Variants in ADAMTSL1 observed in about 807,000 individuals in gnomAD.
ADAMTSL1 encodes ADAMTS like 1, also known as ADAMTS-like protein 1.
In ADAMTSL1, 126 loss-of-function variants were observed where a neutral mutation model predicts 201.8. That is an observed-to-expected ratio of 0.62 (90% confidence interval 0.54 to 0.72). The LOEUF (loss-of-function observed/expected upper bound fraction) is 0.72. Ranked by LOEUF, ADAMTSL1 falls within the 30% of genes least tolerant of loss-of-function variation. The probability of loss-of-function intolerance (pLI) is 0.00; values close to 1 mark genes in which losing one functional copy is unlikely to be tolerated. For synonymous variants in ADAMTSL1, 1,121 were observed against 903.4 expected, an observed-to-expected ratio of 1.24 and a Z score of -4.32; for missense variants, 2,679 against 2,277.8, an observed-to-expected ratio of 1.18 and a Z score of -3.59.
chr9:18,359,427 C>T (rs1449697121), intron 2 of ADAMTSL1, among the ~76,000 whole-genome samples: 1 of 152,166 alleles, frequency 6.6e-6, no homozygotes, highest in Non-Finnish European at 1.5e-5. Context: ...CAATGTGATT[C>T]TTTTCCCAGA....
chr9:18,581,566 A>C (rs1344691484), intron 4 of ADAMTSL1, among the ~76,000 whole-genome samples: 1 of 152,190 alleles, frequency 6.6e-6, no homozygotes, highest in East Asian at 1.9e-4. Flanking sequence ...AAATTCTATC[A>C]GCTGAATCAG....
intron 2 of ADAMTSL1, among the ~76,000 whole-genome samples, chr9:18,413,704 A>G (rs1022740741): frequency 1.3e-5 from 2 of 152,078 alleles, no homozygotes; most frequent in African/African-American, 4.8e-5. Flanking sequence ...CCAGAGCCCA[A>G]CTCTTCATTC....
At chr9:18,376,370 G>A (rs1186880607) in intron 2 of ADAMTSL1, among the ~76,000 whole-genome samples, 1 of 152,174 alleles carries the variant, frequency 6.6e-6, no homozygotes, top group East Asian at 1.9e-4. Flanking sequence ...GAGGGTGAGA[G>A]GTGAGAGGGT....
intron 1 of ADAMTSL1, among the ~76,000 whole-genome samples, chr9:17,929,557 C>T (rs1020746685): frequency 5.9e-5 from 9 of 152,168 alleles, no homozygotes; most frequent in African/African-American, 2.2e-4. Context: ...TCCTCTTCCC[C>T]TCACTCAGCT....
chr9:18,196,957 T>G (rs927971486), intron 2 of ADAMTSL1, among the ~76,000 whole-genome samples: 5 of 152,106 alleles, frequency 3.3e-5, no homozygotes, highest in Admixed American at 6.6e-5. Context: ...ATAGCTTCAC[T>G]CCCTCACACA....
chr9:17,984,621 T>C (rs1818849200), intron 1 of ADAMTSL1, among the ~76,000 whole-genome samples: 1 of 152,160 alleles, frequency 6.6e-6, no homozygotes, highest in South Asian at 2.1e-4. Flanking sequence ...TCCAGATACC[T>C]TTCTAGAAGT....
chr9:18,090,446 C>A (rs1226768842), intron 1 of ADAMTSL1, among the ~76,000 whole-genome samples: 2 of 152,116 alleles, frequency 1.3e-5, no homozygotes, highest in African/African-American at 4.8e-5. Context: ...CACACTGCAA[C>A]ATGGATGAAC....
Position 18,662,037 on chromosome 9 carries a change from AG to A in ADAMTSL1, c.1050del (p.Lys350AsnfsTer101). 1 of 1,614,024 alleles carries A rather than the reference AG, an allele frequency of 6.2e-7. No individual in the cohort carries two copies. The highest frequency in any genetic ancestry group is 8.5e-7 in the Non-Finnish European group (1 of 1,179,912). The part of the protein sequence containing the change: ...YYPENIKPKP[K>X]LQECNLDPCP... ...CCAGAGAACATCAAACCCAAACCCAAGCTTCAGGAGTGCAACTTGGATCCTT... is the reference window on the plus strand; with the variant it reads ...CCAGAGAACATCAAACCCAAACCCAACTTCAGGAGTGCAACTTGGATCCTT... On this transcript the variant is annotated frameshift_variant, in exon 9 of 29. Coordinates refer to ENST00000380548, the MANE Select transcript of ADAMTSL1 (RefSeq NM_001040272.6). LOFTEE classifies it high-confidence loss of function.
intron 1 of ADAMTSL1, among the ~76,000 whole-genome samples, chr9:18,015,434 G>C (rs1281445878): frequency 6.6e-6 from 1 of 151,932 alleles, no homozygotes; most frequent in Non-Finnish European, 1.5e-5. Flanking sequence ...ACTCCCTTGG[G>C]GTCACCCAAA....
At chr9:18,399,441 G>A (rs1433096564) in intron 2 of ADAMTSL1, among the ~76,000 whole-genome samples, 1 of 150,954 alleles carries the variant, frequency 6.6e-6, no homozygotes, top group African/African-American at 2.4e-5. Context: ...CCGGGTTCAA[G>A]CGATTCTCTT....
intron 1 of ADAMTSL1, among the ~76,000 whole-genome samples, chr9:17,978,266 G>A (rs1167031690): frequency 6.6e-6 from 1 of 151,942 alleles, no homozygotes; most frequent in African/African-American, 2.4e-5. Context: ...CTTTTGGTTG[G>A]AAAATTTAAT....
intron 1 of ADAMTSL1, among the ~76,000 whole-genome samples, chr9:18,156,573 G>C (rs1465976486): frequency 6.6e-5 from 10 of 151,852 alleles, no homozygotes; most frequent in African/African-American, 2.2e-4. Flanking sequence ...TCAACTCTCT[G>C]TTTTAATTCT....
chr9:18,563,461 G>A (rs924470878), intron 3 of ADAMTSL1, among the ~76,000 whole-genome samples: 2 of 152,218 alleles, frequency 1.3e-5, no homozygotes, highest in African/African-American at 4.8e-5. Flanking sequence ...CCTGCTGGAA[G>A]GTGTCTCTCA....
chr9:18,427,640 C>G (rs931036100), intron 2 of ADAMTSL1, among the ~76,000 whole-genome samples: 4 of 152,234 alleles, frequency 2.6e-5, no homozygotes, highest in Admixed American at 2.0e-4. Flanking sequence ...TTTTCTCTTG[C>G]TCTCTTAAAC....
chr9:18,351,113 A>G (rs1274118882), intron 2 of ADAMTSL1, among the ~76,000 whole-genome samples: 1 of 152,122 alleles, frequency 6.6e-6, no homozygotes, highest in East Asian at 1.9e-4. Flanking sequence ...CTGCCTAAAC[A>G]TGGGTTTTCT....
chr9:18,756,013 C>G (rs1819724496), intron 16 of ADAMTSL1, among the ~76,000 whole-genome samples: 1 of 139,058 alleles, frequency 7.2e-6, no homozygotes, highest in African/African-American at 2.7e-5. Flanking sequence ...AGAGACAGCC[C>G]TGTTAATGGT....
At chr9:18,316,312 T>G (rs536802458) in intron 2 of ADAMTSL1, among the ~76,000 whole-genome samples, 1 of 152,078 alleles carries the variant, frequency 6.6e-6, no homozygotes, top group African/African-American at 2.4e-5. Flanking sequence ...GCAACTGGTC[T>G]GACCAAAATT....
chr9:18,491,742 G>A (rs763579265), intron 1 of ADAMTSL1, among the ~76,000 whole-genome samples: 3 of 152,100 alleles, frequency 2.0e-5, no homozygotes, highest in East Asian at 3.9e-4. Context: ...GCCCCAAAAC[G>A]TAAATATTTC....
At chr9:18,568,625 C>T (rs1352879140) in intron 3 of ADAMTSL1, among the ~76,000 whole-genome samples, 1 of 151,930 alleles carries the variant, frequency 6.6e-6, no homozygotes, top group Non-Finnish European at 1.5e-5. Context: ...CGTTTTCTTG[C>T]ATAGTAACTG....
Sources: allele counts gnomAD v4.1 joint callset (sites outside exome capture counted in the v4.1 genomes callset), GRCh38; gene constraint gnomAD v4.1.1; transcripts MANE v1.5; gene names NCBI Gene and HGNC (gene_info 2026-07-23, HGNC 2026-07-21).